Variants in FAT4 observed in about 807,000 individuals in gnomAD.
FAT4 encodes the protein protocadherin Fat 4.
A neutral mutation model predicts 303.9 loss-of-function variants in FAT4; 84 were observed. The observed-to-expected ratio is 0.28, with a 90% CI of 0.23 to 0.33. FAT4 has a LOEUF of 0.33. Ranked by LOEUF, FAT4 falls within the 10% of genes least tolerant of loss-of-function variation. FAT4 has a pLI of 1.00. For synonymous variants in FAT4, 2,307 were observed against 2,298.8 expected (o/e 1.00, Z -0.10); for missense variants, 6,005 against 6,146.8 (o/e 0.98, Z 0.77).
chr4:125,381,708 G>A (rs959684670), intron 2 of FAT4, among the ~76,000 whole-genome samples: 3 of 152,086 alleles, frequency 2.0e-5, no homozygotes, highest in African/African-American at 7.2e-5. Flanking sequence ...CAACAATGAA[G>A]TTTGCGGCTT....
intron 10 of FAT4, among the ~76,000 whole-genome samples, chr4:125,454,549 A>G (rs1726211590): frequency 6.6e-6 from 1 of 152,162 alleles, no homozygotes; most frequent in Admixed American, 6.6e-5. Flanking sequence ...AACACCTAGT[A>G]CAGGCCAGGT....
rs2126028937 is a variant in FAT4, at chr4:125,416,542, G to A, written c.6938G>A (p.Ser2313Asn). Residue 2313 changes from serine (S) to asparagine (N), a missense_variant, in exon 7 of 18, where the codon AGT becomes AAT. Transcript: ENST00000394329. ...GACAATGCTTTTACTCTCTCAGCCA[G>A]TGGAGAACTTGGAGTAACACAGAGT... ...NEDNAFTLSA[S>N]GELGVTQSLD... The A allele has an allele frequency of 1.2e-6, 2 of 1,614,056 alleles. No homozygotes were observed. The highest frequency in any genetic ancestry group is 1.1e-5 in the South Asian group (1 of 91,086).
intron 2 of FAT4, among the ~76,000 whole-genome samples, chr4:125,354,764 A>AAC (rs1553962434): frequency 6.6e-6 from 1 of 151,412 alleles, no homozygotes; most frequent in African/African-American, 2.4e-5. Flanking sequence ...AAAAAAAAAA[A>AAC]AAAACTGGTT....
Position 125,316,545 on chromosome 4 carries a change from C to T in FAT4, c.134C>T (p.Pro45Leu), listed in dbSNP as rs766959653. 2 of 1,614,050 alleles carry T rather than the reference C, an allele frequency of 1.2e-6. No homozygotes were observed. Among genetic ancestry groups the T allele is most frequent in the African/African-American group, 1.3e-5 (1 of 75,020 alleles). ...CAGGCCTGGGTCCACGGGGCCGAGC[C>T]GCGCCAGGTGTTCCAAGTGCTGGAA... Reference protein sequence around the residue: ...PGQAWVHGAEPRQVFQVLEEQ... With the variant: ...PGQAWVHGAELRQVFQVLEEQ... Residue 45 changes from proline to leucine, a missense_variant, in exon 2 of 18, where the codon CCG becomes CTG. Pro to Leu is a moderately conservative substitution (Grantham distance 98). Coordinates refer to ENST00000394329, the MANE Select transcript of FAT4 (RefSeq NM_001291303.3). This position sits in a 1 kb window ranked among gnomAD's most constrained non-coding sequence, Gnocchi z 5.7.
intron 8 of FAT4, among the ~76,000 whole-genome samples, chr4:125,442,312 A>G (rs984612836): frequency 2.0e-5 from 3 of 152,062 alleles, no homozygotes; most frequent in African/African-American, 7.2e-5. Flanking sequence ...CTGTTTTGTA[A>G]TTACCTTTTT....
rs1396699 is a variant in FAT4 at position 125,396,307 on chromosome 4, C to A, written c.5176-2477C>A. ...GTATGTATCTACATACACATATAACCTAAAAAAATCAGGTATGTTTATTAG... is the reference window on the plus strand; with the variant it reads ...GTATGTATCTACATACACATATAACATAAAAAAATCAGGTATGTTTATTAG... On this transcript the variant is annotated intron_variant, in intron 2 of 17. Coordinates refer to ENST00000394329, the MANE Select transcript of FAT4 (RefSeq NM_001291303.3). 2.4e-4 allele frequency among the ~76,000 whole-genome samples: 37 copies of A among 152,156 alleles called. No homozygotes were observed. In the East Asian group the frequency reaches 6.2e-3, roughly 25 times the overall value.
At chr4:125,419,644 A>G (rs1393724581) in intron 7 of FAT4, among the ~76,000 whole-genome samples, 3 of 152,182 alleles carry the variant, frequency 2.0e-5, no homozygotes, top group South Asian at 4.1e-4. Context: ...CATTGACTAC[A>G]TGGGATTCAA....
intron 2 of FAT4, among the ~76,000 whole-genome samples, chr4:125,345,721 CT>C (rs1731976009): frequency 6.6e-6 from 1 of 151,970 alleles, no homozygotes; most frequent in Admixed American, 6.6e-5. Context: ...GTTTATATAA[CT>C]TACCTTATTA....
intron 3 of FAT4, among the ~76,000 whole-genome samples, chr4:125,403,359 T>G (rs1734461889): frequency 6.6e-6 from 1 of 152,022 alleles, no homozygotes; most frequent in Non-Finnish European, 1.5e-5. Context: ...CATATCTCAA[T>G]CAGCACAGGG....
chr4:125,405,352 C>A (rs1708076773), intron 3 of FAT4, among the ~76,000 whole-genome samples: 1 of 152,104 alleles, frequency 6.6e-6, no homozygotes, highest in Admixed American at 6.6e-5. Context: ...TTCCCACCAA[C>A]AGTGTACAAG....
chr4:125,407,179 C>T (rs749031903), intron 4 of FAT4, 38 bp downstream of exon 4: 45 of 1,561,828 alleles, frequency 2.9e-5, no homozygotes, highest in South Asian at 5.9e-5. Context: ...TTGCAAGAAT[C>T]GCTTTTGAAC....
rs200952904 is a variant in FAT4 at position 125,319,308 on chromosome 4, T to C, written c.2897T>C (p.Ile966Thr). 230 of 1,613,956 alleles carry C rather than the reference T, an allele frequency of 1.4e-4. No individual in the cohort carries two copies. Among genetic ancestry groups the C allele is most frequent in the Non-Finnish European group, 1.8e-4 (212 of 1,180,014 alleles). The change falls in exon 2 of 18, where the codon ATC (isoleucine) becomes ACC (threonine). Residue 966 changes from isoleucine to threonine, a missense_variant. Coordinates refer to ENST00000394329, the MANE Select transcript of FAT4 (RefSeq NM_001291303.3). The part of the protein sequence containing the change: ...DVHAGSYQIE[I>T]LASDMGVPQL... ...CATGCTGGCTCCTACCAAATAGAGA[T>C]CTTGGCATCTGACATGGGTGTCCCA...
At position 125,451,183 on chromosome 4, in the gene FAT4, C is replaced by G; in HGVS notation, c.10173C>G (p.Val3391=). Residue 3391 remains valine (V), a synonymous_variant, in exon 10 of 18, where the codon GTC becomes GTG. Coordinates refer to ENST00000394329, the MANE Select transcript of FAT4 (RefSeq NM_001291303.3). The stretch of plus-strand genomic sequence containing the variant: ...TTAGAGGTGCAGATATAGATGAGGT[C>G]ACTGTAAATGTCACCGTGCTTGATG... ...GSIRGADIDE[V]TVNVTVLDAN... The G allele has an allele frequency of 6.2e-7, 1 of 1,614,070 alleles. No homozygotes were observed. Among genetic ancestry groups the G allele is most frequent in the Non-Finnish European group, 8.5e-7 (1 of 1,180,006 alleles).
chr4:125,393,811 G>A, intron 2 of FAT4: 1 of 536,018 alleles, frequency 1.9e-6, no homozygotes, highest in East Asian at 3.1e-5. Context: ...GAACTAATTG[G>A]TTATTAGCTC....
intron 7 of FAT4, among the ~76,000 whole-genome samples, chr4:125,418,880 C>G (rs1348708302): frequency 9.3e-6 from 1 of 107,144 alleles, no homozygotes; most frequent in Non-Finnish European, 1.9e-5. Context: ...GTTTGCCTTA[C>G]CATTTTCTCA....
intron 8 of FAT4, among the ~76,000 whole-genome samples, chr4:125,442,066 T>A (rs916189645): frequency 1.3e-4 from 20 of 152,214 alleles, no homozygotes; most frequent in African/African-American, 3.9e-4. Context: ...ATATATGACC[T>A]GTAAAACTGA....
At chr4:125,474,566 G>A (rs1026912427) in intron 12 of FAT4, among the ~76,000 whole-genome samples, 1 of 151,470 alleles carries the variant, frequency 6.6e-6, no homozygotes. Context: ...ATTCCATGTG[G>A]CTCACAAGAG....
intron 4 of FAT4, 60 bp downstream of exon 4, chr4:125,407,201 A>G: frequency 6.8e-7 from 1 of 1,477,978 alleles, no homozygotes. Flanking sequence ...AAAATTACAT[A>G]CTATGTTTCG....
At chr4:125,342,076 A>C (rs559504977) in intron 2 of FAT4, among the ~76,000 whole-genome samples, 30 of 152,098 alleles carry the variant, frequency 2.0e-4, no homozygotes, top group Middle Eastern at 3.4e-3. Flanking sequence ...TAAAATATAA[A>C]TTTTCTCAAA....
Sources: gnomAD v4.1 joint callset for allele counts (sites outside exome capture counted in the v4.1 genomes callset) on GRCh38, gnomAD v4.1.1 for gene constraint, Gnocchi (gnomAD v3.1) non-coding constraint, MANE v1.5 for transcripts, NCBI Gene and HGNC (gene_info 2026-07-23, HGNC 2026-07-21) for gene names.